The following GRIN2A variants were observed in gnomAD, a reference collection of about 807,000 sequenced individuals.
GRIN2A encodes glutamate ionotropic receptor NMDA type subunit 2A.
A neutral mutation model predicts 113.4 loss-of-function variants in GRIN2A; 22 were observed. The ratio of observed to expected loss-of-function variants is 0.19; its 90% confidence interval spans 0.14 to 0.28. The LOEUF (loss-of-function observed/expected upper bound fraction) is 0.28, where lower values mean the gene tolerates loss of function less well. GRIN2A is among the 10% of genes least tolerant of loss of function. GRIN2A has a pLI of 1.00. For missense variants in GRIN2A, 1,502 were observed against 1,887.0 expected (o/e 0.80, Z 3.78); for synonymous variants, 827 against 738.4 (o/e 1.12, Z -1.94).
In GRIN2A at chr16:9,798,243, TC is replaced by T. The variant is rs762546227; in HGVS notation, c.2356+33del. The stretch of plus-strand genomic sequence containing the variant: ...ACAAAGCGAGTGTGAGGGTCTCAAG[TC>T]CCCCTAAAGAAAGGGGTCACCCGGG... On this transcript the variant is annotated intron_variant, in intron 11 of 12. Transcript: ENST00000330684. The T allele has an allele frequency of 4.5e-6, 7 of 1,565,994 alleles. No individual in the cohort carries two copies. In the East Asian group the frequency reaches 9.0e-5, roughly 20 times the overall value.
rs1052951740 is a variant in GRIN2A, at chr16:9,760,671, C to G, written c.*2478G>C. The G allele has an allele frequency of 4.4e-6, 1 of 226,366 alleles. No individual in the cohort carries two copies. Among genetic ancestry groups the G allele is most frequent in the African/African-American group, 2.2e-5 (1 of 44,934 alleles). 14.0% of individuals were successfully genotyped at this position (226,366 alleles called of 1,614,324 possible). On this transcript the variant is annotated 3_prime_UTR_variant, in exon 13 of 13. Transcript: ENST00000330684. Reference sequence around the variant, plus strand: ...AGTCAGTCCAAGTATAACTCTCACTCTCCCTGGAGGTCTCTGTGGCATTTG... The same window carrying G: ...AGTCAGTCCAAGTATAACTCTCACTGTCCCTGGAGGTCTCTGTGGCATTTG...
chr16:9,849,250 G>GTTTTATATTTATTTTAATATATTAAA (rs2042835864), intron 5 of GRIN2A, among the ~76,000 whole-genome samples: 1 of 142,238 alleles, frequency 7.0e-6, no homozygotes, highest in Non-Finnish European at 1.5e-5. Context: ...AATATATTAA[G>GTTTTATATTTATTTTAATATATTAAA]ATATGTTTTA....
intron 2 of GRIN2A, chr16:9,943,103 T>C (rs766453946): frequency 3.9e-5 from 6 of 152,278 alleles, no homozygotes; most frequent in Non-Finnish European, 8.8e-5. Flanking sequence ...CCTGTCTTGA[T>C]GGTAGAGGCC....
chr16:10,018,970 CCAAACCT>C (rs1567237383), intron 2 of GRIN2A, among the ~76,000 whole-genome samples: 1 of 152,044 alleles, frequency 6.6e-6, no homozygotes, highest in East Asian at 1.9e-4. Context: ...CCAAGTTCCC[CCAAACCT>C]CAAGAAAAAA....
At chr16:10,129,949 G>A (rs2049027475) in intron 2 of GRIN2A, among the ~76,000 whole-genome samples, 1 of 152,210 alleles carries the variant, frequency 6.6e-6, no homozygotes, top group Admixed American at 6.5e-5. Context: ...TCATGGATCT[G>A]TGTTAAGGGC....
At chr16:10,020,777 A>G (rs1027765275) in intron 2 of GRIN2A, among the ~76,000 whole-genome samples, 1 of 152,134 alleles carries the variant, frequency 6.6e-6, no homozygotes, top group Non-Finnish European at 1.5e-5. Context: ...GCTCAATAAA[A>G]AGCATTATTT....
chr16:10,094,772 G>A (rs1596499124), intron 2 of GRIN2A, among the ~76,000 whole-genome samples: 1 of 150,958 alleles, frequency 6.6e-6, no homozygotes, highest in Non-Finnish European at 1.5e-5. Flanking sequence ...TTTAAAAGAG[G>A]AACCCAGACC....
intron 2 of GRIN2A, among the ~76,000 whole-genome samples, chr16:10,114,124 A>G (rs374523024): frequency 3.9e-5 from 6 of 152,160 alleles, no homozygotes; most frequent in African/African-American, 1.4e-4. Flanking sequence ...GCCTGAGTTC[A>G]ACGCTGCAGT....
At chr16:9,924,834 T>G (rs1477198253) in intron 3 of GRIN2A, among the ~76,000 whole-genome samples, 1 of 152,192 alleles carries the variant, frequency 6.6e-6, no homozygotes, top group Non-Finnish European at 1.5e-5. Flanking sequence ...ATCTCATGCA[T>G]TGTAGATTTT....
chr16:10,160,843 G>C (rs912294498), intron 2 of GRIN2A, among the ~76,000 whole-genome samples: 1 of 152,118 alleles, frequency 6.6e-6, no homozygotes, highest in African/African-American at 2.4e-5. Flanking sequence ...CTCCCCTCCA[G>C]GCACAAAAAT....
chr16:10,137,066 A>C (rs1188923218), intron 2 of GRIN2A, among the ~76,000 whole-genome samples: 1 of 152,204 alleles, frequency 6.6e-6, no homozygotes, highest in African/African-American at 2.4e-5. Flanking sequence ...TGGAGTGCTT[A>C]TCCACAAATC....
intron 3 of GRIN2A, among the ~76,000 whole-genome samples, chr16:9,927,890 T>C (rs1387905889): frequency 6.6e-6 from 1 of 152,218 alleles, no homozygotes; most frequent in African/African-American, 2.4e-5. Context: ...TTCTATCACA[T>C]GGAAAACTGG....
At chr16:10,145,778 G>A (rs904097560) in intron 2 of GRIN2A, among the ~76,000 whole-genome samples, 1 of 152,174 alleles carries the variant, frequency 6.6e-6, no homozygotes, top group South Asian at 2.1e-4. Context: ...GTTGTAATAC[G>A]AAAGCACCCA....
chr16:9,951,442 T>G (rs2045176620), intron 2 of GRIN2A, among the ~76,000 whole-genome samples: 1 of 152,296 alleles, frequency 6.6e-6, no homozygotes, highest in South Asian at 2.1e-4. Context: ...ATGGGTGCAT[T>G]TGTGTTTGTG....
At chr16:9,767,257 A>G (rs1900973797) in intron 12 of GRIN2A, among the ~76,000 whole-genome samples, 1 of 152,212 alleles carries the variant, frequency 6.6e-6, no homozygotes, top group Admixed American at 6.5e-5. Flanking sequence ...GAATGGAGAA[A>G]ATAAATCTTC....
At chr16:9,801,765 G>T (rs1485811262) in intron 10 of GRIN2A, among the ~76,000 whole-genome samples, 1 of 152,218 alleles carries the variant, frequency 6.6e-6, no homozygotes, top group Non-Finnish European at 1.5e-5. Flanking sequence ...GTGGGCTGGT[G>T]GTCATGCTGT....
intron 2 of GRIN2A, among the ~76,000 whole-genome samples, chr16:10,030,898 T>C (rs1596443368): frequency 6.6e-6 from 1 of 152,346 alleles, no homozygotes; most frequent in East Asian, 1.9e-4. Flanking sequence ...AATAAATAGA[T>C]GTATTATTTG....
intron 4 of GRIN2A, among the ~76,000 whole-genome samples, chr16:9,882,484 T>C (rs911543556): frequency 2.6e-5 from 4 of 152,124 alleles, no homozygotes; most frequent in African/African-American, 9.7e-5. Flanking sequence ...ATGAAACTAC[T>C]GTAGACCAAA....
intron 2 of GRIN2A, chr16:10,111,897 C>G (rs2048622221): frequency 1.2e-6 from 1 of 862,286 alleles, no homozygotes; most frequent in Non-Finnish European, 1.9e-6. Context: ...AGGACCACAC[C>G]ACCCTCCTCA....
Sources: gnomAD v4.1 joint callset for allele counts (sites outside exome capture counted in the v4.1 genomes callset) on GRCh38, gnomAD v4.1.1 for gene constraint, MANE v1.5 for transcripts, NCBI Gene and HGNC (gene_info 2026-07-23, HGNC 2026-07-21) for gene names.